Variants in CORT observed in about 807,000 individuals in gnomAD.
CORT encodes cortistatin.
CORT carries 2 observed loss-of-function variants against 4.4 expected under a neutral mutation model. That is an observed-to-expected ratio of 0.46 (90% CI 0.19 to 1.44). CORT has a LOEUF of 1.44. CORT is among the 40% of genes most tolerant of loss of function. The probability of loss-of-function intolerance (pLI) is 0.26; values close to 1 mark genes in which losing one functional copy is unlikely to be tolerated. For synonymous variants in CORT, 72 were observed against 62.0 expected (o/e 1.16, Z -0.75); for missense variants, 158 against 140.2 (o/e 1.13, Z -0.64).
At chr1:10,450,409 G>C (rs757577961) in intron 1 of CORT, 87 bp downstream of exon 1, 1 of 1,305,686 alleles carries the variant, frequency 7.7e-7, no homozygotes, top group African/African-American at 1.5e-5. Context: ...GTGTGTGCAC[G>C]TGTGTTGCAC....
chr1:10,450,175 A>G lies in CORT; in HGVS notation c.-49A>G, dbSNP rs1640736309. ...AAACATTGATTTCAGGGCTGCCAGG[A>G]AGGAAGAGCAGCAGCAGGGTGGGAG... On this transcript the variant is annotated 5_prime_UTR_variant, in exon 1 of 2. Coordinates refer to ENST00000377049, the MANE Select transcript of CORT (RefSeq NM_001302.5). 1 of 1,610,474 alleles carries G rather than the reference A, an allele frequency of 6.2e-7. No homozygotes were observed. The highest frequency in any genetic ancestry group is 1.3e-5 in the African/African-American group (1 of 74,818).
chr1:10,450,953 TC>T (rs1640765768), intron 1 of CORT, among the ~76,000 whole-genome samples: 1 of 152,156 alleles, frequency 6.6e-6, no homozygotes, highest in Non-Finnish European at 1.5e-5. Flanking sequence ...CTTGTGAACA[TC>T]CAGGAGTGTG....
Position 10,450,041 on chromosome 1 carries a change from G to T in CORT, c.-183G>T. On this transcript the variant is annotated 5_prime_UTR_variant, in exon 1 of 2. Coordinates refer to ENST00000377049, the MANE Select transcript of CORT (RefSeq NM_001302.5). ...TGCTCCAGCTTCTGCGTCACTGCGC[G>T]AGGGAAGAGGGAAGAGGATCCAGGC... The T allele has an allele frequency of 1.3e-6, 2 of 1,490,618 alleles. No homozygotes were observed. The highest frequency in any genetic ancestry group is 2.7e-5 in the South Asian group (2 of 72,734). The allele number at this position is 1,490,618 out of a possible 1,614,324, so 92.3% of individuals were successfully genotyped here.
chr1:10,450,619 G>C (rs1276670319), intron 1 of CORT, among the ~76,000 whole-genome samples: 1 of 152,216 alleles, frequency 6.6e-6, no homozygotes, highest in African/African-American at 2.4e-5. Flanking sequence ...CCACTGCAGG[G>C]CAGGCATGGA....
In CORT at chr1:10,450,303, C is replaced by G. The variant is rs1487921167; in HGVS notation, c.80C>G (p.Pro27Arg). The G allele has an allele frequency of 6.6e-7, 1 of 1,515,684 alleles. No homozygotes were observed. The highest frequency in any genetic ancestry group is 8.8e-7 in the Non-Finnish European group (1 of 1,132,566). 93.9% of individuals were successfully genotyped at this position (1,515,684 alleles called of 1,614,324 possible). A position where few individuals can be genotyped will look rare whatever the true frequency, so the allele number is the denominator to read the frequency against. ...GCTGCCCTGCCCCTGGAGGGTGGCC[C>G]CACCGGCCGAGACAGCGAGGTGAGT... ...ATAALPLEGG[P>R]TGRDSEHMQE... Residue 27 changes from proline to arginine, a missense_variant, in exon 1 of 2, where the codon CCC becomes CGC. By Grantham distance (103) the Pro-to-Arg change is moderately radical. Transcript: ENST00000377049.
In CORT at chr1:10,451,338, T is replaced by C. The variant is rs751496381; in HGVS notation, c.100-39T>C. 1.4e-5 allele frequency: 21 copies of C among 1,541,002 alleles called. 1 individual carries two copies. The highest frequency in any genetic ancestry group is 5.0e-5 in the South Asian group (4 of 79,336). On this transcript the variant is annotated intron_variant, in intron 1 of 1. Transcript: ENST00000377049. The stretch of plus-strand genomic sequence containing the variant: ...ATGCTTGCTGCCTGAGCCAGATTGC[T>C]GAGTTTTCTTTCCTTTGCCATCTGC...
rs747591951 is a variant in CORT at position 10,451,521 on chromosome 1, C to T, written c.244C>T (p.Pro82Ser). Residue 82 changes from proline (P) to serine (S), a missense_variant, in exon 2 of 2, where the codon CCC becomes TCC. By Grantham distance (74) the Pro-to-Ser change is moderately conservative (BLOSUM62 -1). Transcript: ENST00000377049. ...GGCCAGGCGGCAGGAAGGCGCACCC[C>T]CCCAGCAATCTGCGCGCCGGGACAG... ...EVARRQEGAP[P>S]QQSARRDRMP... is the part of the protein sequence containing the mutation. 3.1e-6 allele frequency: 5 copies of T among 1,613,934 alleles called. No homozygotes were observed. The highest frequency in any genetic ancestry group is 2.2e-5 in the East Asian group (1 of 44,892).
chr1:10,451,562 C>T lies in CORT; in HGVS notation c.285C>T (p.Asn95=), dbSNP rs2124325236. ...GCCGGGACAGAATGCCCTGCAGGAACTTCTTCTGGAAGACCTTCTCCTCCT... is the reference window on the plus strand; with the variant it reads ...GCCGGGACAGAATGCCCTGCAGGAATTTCTTCTGGAAGACCTTCTCCTCCT... ...SARRDRMPCR[N]FFWKTFSSCK The change falls in exon 2 of 2, where the codon AAC becomes AAT. Residue 95 remains asparagine (N), a synonymous_variant. Coordinates refer to ENST00000377049, the MANE Select transcript of CORT (RefSeq NM_001302.5). 6.2e-7 allele frequency: 1 copy of T among 1,613,600 alleles called. No individual in the cohort carries two copies. The highest frequency in any genetic ancestry group is 2.2e-5 in the East Asian group (1 of 44,888).
rs1486513053 is a variant in CORT at position 10,451,697 on chromosome 1, AGT to A, written c.*105_*106del. 27 of 1,438,070 alleles carry A rather than the reference AGT, an allele frequency of 1.9e-5. No homozygotes were observed. Among genetic ancestry groups the A allele is most frequent in the Admixed American group, 2.8e-5 (1 of 35,550 alleles). The allele number at this position is 1,438,070 out of a possible 1,614,324, so 89.1% of individuals were successfully genotyped here. On this transcript the variant is annotated 3_prime_UTR_variant, in exon 2 of 2. Transcript: ENST00000377049. Reference sequence around the variant, plus strand: ...CTCCTCCTTCCCAAGTCATTTGAAAAGTGTTTGTTATTTAAATTCCAATAATG... The same window carrying A: ...CTCCTCCTTCCCAAGTCATTTGAAAAGTTTGTTATTTAAATTCCAATAATG...
At chr1:10,451,099 G>A (rs1489159821) in intron 1 of CORT, among the ~76,000 whole-genome samples, 1 of 152,048 alleles carries the variant, frequency 6.6e-6, no homozygotes, top group African/African-American at 2.4e-5. Flanking sequence ...GCAAAACCAG[G>A]TTTCTTCCCT....
At position 10,450,219 on chromosome 1, in the gene CORT, A is replaced by T; in HGVS notation, c.-5A>T. On this transcript the variant is annotated 5_prime_UTR_variant, in exon 1 of 2. Coordinates refer to ENST00000377049, the MANE Select transcript of CORT (RefSeq NM_001302.5). ...GTGGGAGAGAAGCTCCAGTCAGCCC[A>T]CAAGATGCCATTGTCCCCCGGCCTC... 6.2e-7 allele frequency: 1 copy of T among 1,605,520 alleles called. No homozygotes were observed.
In CORT at chr1:10,451,519, C is replaced by T. The variant is rs768113640; in HGVS notation, c.242C>T (p.Pro81Leu). ...REVARRQEGAPPQQSARRDRM... is the reference protein window; with the variant it reads ...REVARRQEGALPQQSARRDRM... Reference sequence around the variant, plus strand: ...GTGGCCAGGCGGCAGGAAGGCGCACCCCCCCAGCAATCTGCGCGCCGGGAC... The same window carrying T: ...GTGGCCAGGCGGCAGGAAGGCGCACTCCCCCAGCAATCTGCGCGCCGGGAC... The change falls in exon 2 of 2, where the codon CCC becomes CTC. Residue 81 changes from proline to leucine, a missense_variant. Coordinates refer to ENST00000377049, the MANE Select transcript of CORT (RefSeq NM_001302.5). 3 of 1,613,962 alleles carry T rather than the reference C, an allele frequency of 1.9e-6. No homozygotes were observed. In the Admixed American group the frequency reaches 5.0e-5, roughly 27 times the overall value.
At chr1:10,450,442 C>T (rs539189765) in intron 1 of CORT, 120 bp downstream of exon 1, 6 of 1,109,816 alleles carry the variant, frequency 5.4e-6, no homozygotes, top group Non-Finnish European at 5.8e-6. Flanking sequence ...ACAGGACACA[C>T]GGCTCAACTT....
rs75501939 is a variant in CORT, at chr1:10,451,524, C to A, written c.247C>A (p.Gln83Lys). Residue 83 changes from glutamine to lysine, a missense_variant, in exon 2 of 2, where the codon CAG (glutamine) becomes AAG (lysine). Physicochemically the swap from Gln to Lys is moderately conservative, Grantham distance 53 (BLOSUM62 1). Coordinates refer to ENST00000377049, the MANE Select transcript of CORT (RefSeq NM_001302.5). ...VARRQEGAPP[Q>K]QSARRDRMPC... is the part of the protein sequence containing the mutation. The stretch of plus-strand genomic sequence containing the variant: ...CAGGCGGCAGGAAGGCGCACCCCCC[C>A]AGCAATCTGCGCGCCGGGACAGAAT... 6.2e-7 allele frequency: 1 copy of A among 1,614,040 alleles called. No individual in the cohort carries two copies. The highest frequency in any genetic ancestry group is 8.5e-7 in the Non-Finnish European group (1 of 1,180,000).
At position 10,451,387 on chromosome 1, in the gene CORT, A is replaced by G; in HGVS notation, c.110A>G (p.Glu37Gly). Residue 37 changes from glutamate to glycine, a missense_variant, in exon 2 of 2, where the codon GAA (glutamate) becomes GGA (glycine). Transcript: ENST00000377049. ...GCTTCTCTTTAAAAGCATATGCAGGAAGCGGCAGGAATAAGGAAAAGCAGC... is the reference window on the plus strand; with the variant it reads ...GCTTCTCTTTAAAAGCATATGCAGGGAGCGGCAGGAATAAGGAAAAGCAGC... ...PTGRDSEHMQ[E>G]AAGIRKSSLL... 3 of 1,608,720 alleles carry G rather than the reference A, an allele frequency of 1.9e-6. No homozygotes were observed. The highest frequency in any genetic ancestry group is 2.5e-6 in the Non-Finnish European group (3 of 1,177,482).
chr1:10,451,346 C>A, intron 1 of CORT, 31 bp from the exon 2 acceptor site: 1 of 1,551,196 alleles, frequency 6.4e-7, no homozygotes, highest in South Asian at 1.2e-5. Context: ...GCTGAGTTTT[C>A]TTTCCTTTGC....
Position 10,451,517 on chromosome 1 carries a change from A to AC in CORT, c.247dup (p.Gln83ProfsTer29), listed in dbSNP as rs755613959. 5.8e-5 allele frequency: 93 copies of AC among 1,613,124 alleles called. No individual in the cohort carries two copies. The highest frequency in any genetic ancestry group is 9.3e-5 in the African/African-American group (7 of 74,920). On this transcript the variant is annotated frameshift_variant, in exon 2 of 2. Coordinates refer to ENST00000377049, the MANE Select transcript of CORT (RefSeq NM_001302.5). LOFTEE classifies it high-confidence loss of function. ...AGGTGGCCAGGCGGCAGGAAGGCGC[A>AC]CCCCCCCAGCAATCTGCGCGCCGGG...
At position 10,450,171 on chromosome 1, in the gene CORT, C is replaced by CA. The variant is rs1178181778; in HGVS notation, c.-52dup. The CA allele has an allele frequency of 6.2e-7, 1 of 1,610,194 alleles. No individual in the cohort carries two copies. Among genetic ancestry groups the CA allele is most frequent in the Non-Finnish European group, 8.5e-7 (1 of 1,178,498 alleles). On this transcript the variant is annotated 5_prime_UTR_variant, in exon 1 of 2. Transcript: ENST00000377049. The stretch of plus-strand genomic sequence containing the variant: ...CCCAAAACATTGATTTCAGGGCTGC[C>CA]AGGAAGGAAGAGCAGCAGCAGGGTG...
rs778847098 is a variant in CORT, at chr1:10,450,330, C to T, written c.99+8C>T. 1.3e-6 allele frequency: 2 copies of T among 1,498,744 alleles called. No homozygotes were observed. Among genetic ancestry groups the T allele is most frequent in the Admixed American group, 2.3e-5 (1 of 42,698 alleles). 92.8% of individuals were successfully genotyped at this position (1,498,744 alleles called of 1,614,324 possible). On this transcript the variant is annotated splice_region_variant and intron_variant, in intron 1 of 1. Transcript: ENST00000377049. ...ACCGGCCGAGACAGCGAGGTGAGTA[C>T]AGTCCCGACGTGGCCACACGCTAGC...
Sources: gnomAD v4.1 joint callset for allele counts (sites outside exome capture counted in the v4.1 genomes callset) on GRCh38, gnomAD v4.1.1 for gene constraint, MANE v1.5 for transcripts, NCBI Gene and HGNC (gene_info 2026-07-23, HGNC 2026-07-21) for gene names.